The following STAG3 variants were observed in gnomAD, a reference collection of about 807,000 sequenced individuals.
STAG3 encodes cohesin subunit SA-3.
A neutral mutation model predicts 160.7 loss-of-function variants in STAG3; 101 were observed. The observed-to-expected ratio is 0.63, with a 90% CI of 0.54 to 0.74. The LOEUF is 0.74. Among genes scored for constraint, STAG3 ranks in the 30% least tolerant of loss-of-function variants. STAG3 has a pLI of 0.00. For synonymous variants in STAG3, 519 were observed against 585.0 expected (o/e 0.89, Z 1.63); for missense variants, 1,188 against 1,517.4 (o/e 0.78, Z 3.61).
At position 100,186,267 on chromosome 7, in the gene STAG3, A is replaced by G; in HGVS notation, c.404A>G (p.Asn135Ser). Residue 135 changes from asparagine to serine, a missense_variant, in exon 5 of 34, where the codon AAC becomes AGC. Asn to Ser is a conservative substitution (Grantham distance 46). Transcript: ENST00000615138. The part of the protein sequence containing the change: ...DQDAGFLELV[N>S]FFIQSCGCKG... ...GATGCAGGATTTCTGGAGCTTGTTAACTTTTTCATCCAATCTTGCGGATGT... is the reference window on the plus strand; with the variant it reads ...GATGCAGGATTTCTGGAGCTTGTTAGCTTTTTCATCCAATCTTGCGGATGT... The G allele has an allele frequency of 2.5e-6, 4 of 1,614,136 alleles. No individual in the cohort carries two copies. The highest frequency in any genetic ancestry group is 3.4e-6 in the Non-Finnish European group (4 of 1,180,000).
chr7:100,186,942 G>C (rs1021445681), intron 5 of STAG3, among the ~76,000 whole-genome samples: 36 of 152,140 alleles, frequency 2.4e-4, no homozygotes, highest in Non-Finnish European at 4.4e-4. Context: ...TATTGCCATG[G>C]CTTCGTTTAT....
chr7:100,197,399 C>G, intron 10 of STAG3, 120 bp downstream of exon 10: 1 of 1,404,068 alleles, frequency 7.1e-7, no homozygotes, highest in African/African-American at 1.4e-5. Context: ...ATGAACCCAT[C>G]AAGGCGCTGA....
At chr7:100,191,658 T>C (rs1800351591) in intron 8 of STAG3, among the ~76,000 whole-genome samples, 2 of 152,238 alleles carry the variant, frequency 1.3e-5, no homozygotes, top group Admixed American at 6.5e-5. Context: ...TGGAGGGTCT[T>C]GCCTCCATGT....
chr7:100,201,068 G>T lies in STAG3; in HGVS notation c.2062-22G>T, dbSNP rs370525054. The stretch of plus-strand genomic sequence containing the variant: ...GATGAGTTCTGGGGGAAATGCTATT[G>T]TGGATCTTCTTTCCTTCTCAGTCGT... On this transcript the variant is annotated intron_variant, in intron 19 of 33. Transcript: ENST00000615138. 42 of 1,614,150 alleles carry T rather than the reference G, an allele frequency of 2.6e-5. No individual in the cohort carries two copies. In the African/African-American group the frequency reaches 5.2e-4, roughly 20 times the overall value.
At chr7:100,181,901 CAAAA>C (rs3041317) in intron 2 of STAG3, among the ~76,000 whole-genome samples, 185 bp from the exon 3 acceptor site, 3 of 70,302 alleles carry the variant, frequency 4.3e-5, no homozygotes, top group Non-Finnish European at 5.3e-5. Context: ...AACTCCGTCT[CAAAA>C]AAAAAAAAAA....
Position 100,182,734 on chromosome 7 carries a change from T to C in STAG3, c.231T>C (p.His77=), listed in dbSNP as rs1562965113. 6.2e-7 allele frequency: 1 copy of C among 1,613,816 alleles called. No homozygotes were observed. The highest frequency in any genetic ancestry group is 1.7e-5 in the Admixed American group (1 of 59,974). The part of the protein sequence containing the change: ...RPPKTTPVAK[H]PKKGSRVVHR... Reference sequence around the variant, plus strand: ...TTTATACATATTAGGTGGCAAAACATCCAAAGAAAGGGTCCCGAGTGGTAC... The same window carrying C: ...TTTATACATATTAGGTGGCAAAACACCCAAAGAAAGGGTCCCGAGTGGTAC... The change falls in exon 4 of 34, where the codon CAT becomes CAC. Residue 77 remains histidine (H), a synonymous_variant. Coordinates refer to ENST00000615138, the MANE Select transcript of STAG3 (RefSeq NM_001282717.2).
At chr7:100,205,562 T>G (rs979544260) in intron 29 of STAG3, among the ~76,000 whole-genome samples, 178 bp downstream of exon 29, 10 of 152,176 alleles carry the variant, frequency 6.6e-5, no homozygotes, top group Non-Finnish European at 1.5e-4. Flanking sequence ...CCAGGTGTGG[T>G]GGCTCATGCC....
At position 100,197,634 on chromosome 7, in the gene STAG3, T is replaced by C. The variant is rs73159759; in HGVS notation, c.1066-144T>C. 1.6e-3 allele frequency: 1,202 copies of C among 741,266 alleles called. 4 individuals are homozygous for C. Among genetic ancestry groups the C allele is most frequent in the Non-Finnish European group, 2.7e-3 (1,108 of 414,522 alleles). 45.9% of individuals were successfully genotyped at this position (741,266 alleles called of 1,614,324 possible). A position where few individuals can be genotyped will look rare whatever the true frequency, so the allele number is the denominator to read the frequency against. On this transcript the variant is annotated intron_variant, in intron 10 of 33. Coordinates refer to ENST00000615138, the MANE Select transcript of STAG3 (RefSeq NM_001282717.2). ...TTTAAGTAAGAAGACAGCTGTTCAT[T>C]GTTTCTGACATCTTAAGAGTCCTCA...
At chr7:100,217,591 A>G (rs1056899318), downstream of STAG3, among the ~76,000 whole-genome samples, 2 of 152,090 alleles carry the variant, frequency 1.3e-5, no homozygotes, top group African/African-American at 4.8e-5. Flanking sequence ...CGCGGAGACC[A>G]GTAGTGGCCC....
At chr7:100,204,977 C>T in intron 27 of STAG3, 28 bp from the exon 28 acceptor site, 7 of 1,608,690 alleles carry the variant, frequency 4.4e-6, no homozygotes, top group Non-Finnish European at 5.9e-6. Flanking sequence ...AAGAGACTTT[C>T]TTCCTAAAAT....
At position 100,211,468 on chromosome 7, in the gene STAG3, G is replaced by A. The variant is rs367599225; in HGVS notation, c.3447G>A (p.Arg1149=). The change falls in exon 31 of 34, where the codon AGG becomes AGA. Residue 1149 remains arginine, a synonymous_variant. Transcript: ENST00000615138. ...CCGTCGCAGGCACCGAGAGGTCAAG[G>A]TTCTTGGGTCCACAATATTTCCAGA... The part of the protein sequence containing the change: ...SQPVAGTERS[R]FLGPQYFQTP... 3.1e-6 allele frequency: 5 copies of A among 1,613,886 alleles called. No individual in the cohort carries two copies. The highest frequency in any genetic ancestry group is 4.2e-6 in the Non-Finnish European group (5 of 1,179,986).
At chr7:100,217,058 CCT>C (rs376821907), downstream of STAG3, among the ~76,000 whole-genome samples, 486 of 152,282 alleles carry the variant, frequency 3.2e-3, 6 homozygotes, top group African/African-American at 0.011. Flanking sequence ...TGGGGGTTTG[CCT>C]CTCTTCCCTC....
At chr7:100,179,518 C>T (rs1799507453) in intron 1 of STAG3, among the ~76,000 whole-genome samples, 3 of 151,944 alleles carry the variant, frequency 2.0e-5, no homozygotes, top group Admixed American at 2.0e-4. Context: ...ATCTACCACA[C>T]CCAGTGTGCA....
In STAG3 at chr7:100,214,169, C is replaced by CCT. The variant is rs1802560648; in HGVS notation, c.*155_*156dup. The CCT allele has an allele frequency of 9.1e-7, 1 of 1,099,960 alleles. No homozygotes were observed. Among genetic ancestry groups the CCT allele is most frequent in the African/African-American group, 1.6e-5 (1 of 64,106 alleles). The allele number at this position is 1,099,960 out of a possible 1,614,324, so 68.1% of individuals were successfully genotyped here. On this transcript the variant is annotated 3_prime_UTR_variant, in exon 34 of 34. Transcript: ENST00000615138. ...GTTGGGCATTGTTTTTCTAACCTAA[C>CCT]CTTTCCCTCTGGGGTAGAGAAGCCG...
chr7:100,180,246 A>C lies in STAG3; in HGVS notation c.-64-247A>C, dbSNP rs7457787. The stretch of plus-strand genomic sequence containing the variant: ...TGATTATTATTATTTTTTTTTTAGA[A>C]ATGGGGTCTTGCTGTATTGCCCAGG... On this transcript the variant is annotated intron_variant, in intron 1 of 33. Transcript: ENST00000615138. Among the ~76,000 whole-genome samples the C allele has an allele frequency of 0.1, 15,389 of 151,476 alleles. 873 individuals are homozygous for C. Among genetic ancestry groups the C allele is most frequent in the South Asian group, 0.22 (1,045 of 4,806 alleles).
intron 1 of STAG3, among the ~76,000 whole-genome samples, chr7:100,179,856 C>T (rs979970106): frequency 2.0e-5 from 3 of 152,220 alleles, no homozygotes; most frequent in Admixed American, 6.5e-5. Context: ...CTGCCTCAGC[C>T]TCCCAAGTAG....
intron 19 of STAG3, 23 bp downstream of exon 19, chr7:100,200,992 G>A: frequency 6.2e-7 from 1 of 1,614,092 alleles, no homozygotes; most frequent in Non-Finnish European, 8.5e-7. Flanking sequence ...GCTGGACAAT[G>A]GGACACCCCA....
At chr7:100,216,148 T>C (rs11980405), downstream of STAG3, among the ~76,000 whole-genome samples, 648 of 152,296 alleles carry the variant, frequency 4.3e-3, 5 homozygotes, top group African/African-American at 0.012. Context: ...CCATCTTTTC[T>C]GTGCACTTTC....
chr7:100,187,134 C>T (rs778780239), intron 5 of STAG3, among the ~76,000 whole-genome samples: 1 of 151,864 alleles, frequency 6.6e-6, no homozygotes, highest in Non-Finnish European at 1.5e-5. Context: ...TGGATTTAAG[C>T]GATTCTCGTG....
Sources: gnomAD v4.1 joint callset for allele counts (sites outside exome capture counted in the v4.1 genomes callset) on GRCh38, gnomAD v4.1.1 for gene constraint, MANE v1.5 for transcripts, NCBI Gene and HGNC (gene_info 2026-07-23, HGNC 2026-07-21) for gene names.